The following BRSK2 variants were observed in gnomAD, a reference collection of about 807,000 sequenced individuals.
BRSK2 encodes the protein BR serine/threonine kinase 2, also known as serine/threonine-protein kinase BRSK2.
BRSK2 carries 19 observed loss-of-function variants against 83.3 expected under a neutral mutation model. That is an observed-to-expected ratio of 0.23 (90% CI 0.16 to 0.33). The LOEUF (loss-of-function observed/expected upper bound fraction) is 0.33, where lower values mean the gene tolerates loss of function less well. Ranked by LOEUF, BRSK2 falls within the 10% of genes least tolerant of loss-of-function variation. The probability of loss-of-function intolerance (pLI) is 1.00; values close to 1 mark genes in which losing one functional copy is unlikely to be tolerated. For synonymous variants in BRSK2, 519 were observed against 435.4 expected, an observed-to-expected ratio of 1.19 and a Z score of -2.39; for missense variants, 798 against 1,042.3, an observed-to-expected ratio of 0.77 and a Z score of 3.23.
At position 1,455,615 on chromosome 11, in the gene BRSK2, C is replaced by T. The variant is rs921922846; in HGVS notation, c.1669-733C>T. 2.0e-5 allele frequency among the ~76,000 whole-genome samples: 3 copies of T among 152,056 alleles called. No individual in the cohort carries two copies. In the South Asian group the frequency reaches 6.2e-4, roughly 32 times the overall value. On this transcript the variant is annotated intron_variant, in intron 16 of 19. Coordinates refer to ENST00000528841, the MANE Select transcript of BRSK2 (RefSeq NM_001256627.2). ...GCTGGGCAGGGCAGGCCTCAGACTG[C>T]ACTTGGACCCTGGCCTCAGGGGTCC... is the stretch of plus-strand genomic sequence containing the variant.
intron 13 of BRSK2, among the ~76,000 whole-genome samples, chr11:1,450,196 G>C (rs1487075663): frequency 6.9e-6 from 1 of 144,170 alleles, no homozygotes; most frequent in Admixed American, 6.9e-5. Flanking sequence ...CCCCCACCCC[G>C]CTCGCTCCCT....
chr11:1,442,641 G>T (rs1470791722), intron 5 of BRSK2, 35 bp downstream of exon 5: 2 of 1,539,462 alleles, frequency 1.3e-6, no homozygotes, highest in Admixed American at 1.7e-5. Flanking sequence ...GAGGCTGGGG[G>T]ACAGGCTGGG....
chr11:1,395,269 G>C (rs1845998215), intron 1 of BRSK2, among the ~76,000 whole-genome samples: 1 of 152,176 alleles, frequency 6.6e-6, no homozygotes. Flanking sequence ...TGTTCTCAGG[G>C]GCGCCGTGCA....
At chr11:1,428,809 ATG>A (rs780043211) in intron 1 of BRSK2, among the ~76,000 whole-genome samples, 10 of 149,474 alleles carry the variant, frequency 6.7e-5, no homozygotes, top group Admixed American at 6.6e-4. Flanking sequence ...ACTGGGGTGT[ATG>A]TATGCAGTCG....
chr11:1,437,424 G>C lies in BRSK2; in HGVS notation c.187-882G>C, dbSNP rs571008759. Among the ~76,000 whole-genome samples, 8 of 152,312 alleles carry C rather than the reference G, an allele frequency of 5.3e-5. No individual in the cohort carries two copies. The South Asian group carries it at 1.7e-3, about 32-fold the overall frequency. On this transcript the variant is annotated intron_variant, in intron 2 of 19. Transcript: ENST00000528841. ...ACCACTGACACGGCCACTTCTTTGT[G>C]CTGGGCGGAGCACCAGCTGCCCGTG...
Position 1,460,708 on chromosome 11 carries a change from C to A in BRSK2, c.2196C>A (p.Arg732=), listed in dbSNP as rs545362824. 1,002 of 1,461,106 alleles carry A rather than the reference C, an allele frequency of 6.9e-4. 8 individuals are homozygous for A. In the African/African-American group the frequency reaches 0.012, roughly 18 times the overall value. 90.5% of individuals were successfully genotyped at this position (1,461,106 alleles called of 1,614,324 possible). The change falls in exon 20 of 20, where the codon CGC becomes CGA. Residue 732 remains arginine, a synonymous_variant. Transcript: ENST00000528841. ...DTAKMGPPTA[R]REQP ...CCAAGATGGGCCCGCCCACCGCCCG[C>A]CGCGAGCAGCCTTAGACACACTAGC... is the stretch of plus-strand genomic sequence containing the variant.
At position 1,460,997 on chromosome 11, in the gene BRSK2, C is replaced by G. The variant is rs974863406; in HGVS notation, c.*274C>G. On this transcript the variant is annotated 3_prime_UTR_variant, in exon 20 of 20. Coordinates refer to ENST00000528841, the MANE Select transcript of BRSK2 (RefSeq NM_001256627.2). ...ATTATCCCGAAAAGTTAACATGTCACCTCCACGAGGCCATCCTCTGTGACC... is the reference window on the plus strand; with the variant it reads ...ATTATCCCGAAAAGTTAACATGTCAGCTCCACGAGGCCATCCTCTGTGACC... 1 of 1,612,196 alleles carries G rather than the reference C, an allele frequency of 6.2e-7. No individual in the cohort carries two copies. Among genetic ancestry groups the G allele is most frequent in the Non-Finnish European group, 8.5e-7 (1 of 1,179,416 alleles).
chr11:1,460,855 G>GA lies in BRSK2; in HGVS notation c.*135dup, dbSNP rs1021018577. The GA allele has an allele frequency of 6.4e-7, 1 of 1,558,260 alleles. No individual in the cohort carries two copies. The highest frequency in any genetic ancestry group is 1.4e-5 in the African/African-American group (1 of 73,392). On this transcript the variant is annotated 3_prime_UTR_variant, in exon 20 of 20. Coordinates refer to ENST00000528841, the MANE Select transcript of BRSK2 (RefSeq NM_001256627.2). ...CTGTTCTCAGAGCCTGGGAGGAAAG[G>GA]AAAGGGGCGTTGGGGCCGGCCTGTG...
chr11:1,424,251 C>T (rs946516037), intron 1 of BRSK2, among the ~76,000 whole-genome samples: 2 of 152,174 alleles, frequency 1.3e-5, no homozygotes, highest in African/African-American at 4.8e-5. Context: ...TGGGTCCTGC[C>T]GGCCAGGCGG....
chr11:1,460,824 T>C lies in BRSK2; in HGVS notation c.*101T>C. ...GACCCGCGGCCGCGCCGCCCGTCCGTCCAGACTGTTCTCAGAGCCTGGGAG... is the reference window on the plus strand; with the variant it reads ...GACCCGCGGCCGCGCCGCCCGTCCGCCCAGACTGTTCTCAGAGCCTGGGAG... On this transcript the variant is annotated 3_prime_UTR_variant, in exon 20 of 20. Transcript: ENST00000528841. The C allele has an allele frequency of 6.6e-7, 1 of 1,510,974 alleles. No individual in the cohort carries two copies. The highest frequency in any genetic ancestry group is 8.8e-7 in the Non-Finnish European group (1 of 1,132,386). 93.6% of individuals were successfully genotyped at this position (1,510,974 alleles called of 1,614,324 possible).
intron 1 of BRSK2, among the ~76,000 whole-genome samples, chr11:1,396,185 T>TCTCC (rs1846081322): frequency 1.3e-5 from 1 of 79,162 alleles, no homozygotes; most frequent in Non-Finnish European, 2.8e-5. Context: ...GCTCCTCGTC[T>TCTCC]CTCTTCCCTT....
chr11:1,396,219 TCC>T (rs1846088240), intron 1 of BRSK2, among the ~76,000 whole-genome samples: 4 of 112,932 alleles, frequency 3.5e-5, no homozygotes, highest in South Asian at 2.9e-4. Flanking sequence ...CCACTCCTGG[TCC>T]CTCTTCCCTT....
rs766181299 is a variant in BRSK2, at chr11:1,456,665, G to C, written c.1917G>C (p.Pro639=). 1 of 1,607,886 alleles carries C rather than the reference G, an allele frequency of 6.2e-7. No individual in the cohort carries two copies. The highest frequency in any genetic ancestry group is 1.1e-5 in the South Asian group (1 of 90,026). ...IQAQLLSTHD[P]PAAQHLSDTT... is the part of the protein sequence containing the mutation. ...CCCAGCTGCTGAGCACACACGACCCGCCTGCGGCCCAGCACTTGTCAGGTG... is the reference window on the plus strand; with the variant it reads ...CCCAGCTGCTGAGCACACACGACCCCCCTGCGGCCCAGCACTTGTCAGGTG... Residue 639 remains proline (P), a synonymous_variant, in exon 18 of 20, where the codon CCG becomes CCC. Coordinates refer to ENST00000528841, the MANE Select transcript of BRSK2 (RefSeq NM_001256627.2).
chr11:1,424,281 GTCCACCTGCGAGGCCC>G (rs909609769), intron 1 of BRSK2, among the ~76,000 whole-genome samples: 5 of 152,176 alleles, frequency 3.3e-5, no homozygotes, highest in African/African-American at 9.6e-5. Context: ...TCTGCTGGGT[GTCCACCTGCGAGGCCC>G]TCACCCCCTA....
chr11:1,413,906 C>G (rs1427993957), intron 1 of BRSK2, among the ~76,000 whole-genome samples: 2 of 152,118 alleles, frequency 1.3e-5, no homozygotes, highest in Non-Finnish European at 2.9e-5. Flanking sequence ...GCCACAGCGC[C>G]CAGCTCTGCC....
intron 18 of BRSK2, 53 bp downstream of exon 18, chr11:1,456,740 A>G (rs1279508183): frequency 6.5e-7 from 1 of 1,534,664 alleles, no homozygotes; most frequent in Non-Finnish European, 8.8e-7. Context: ...GGGCGTGGCC[A>G]GCTGGTGCTG....
chr11:1,427,733 C>A (rs1357334629), intron 1 of BRSK2, among the ~76,000 whole-genome samples: 1 of 152,214 alleles, frequency 6.6e-6, no homozygotes, highest in Non-Finnish European at 1.5e-5. Context: ...GATGGACTCT[C>A]AATTGGAAAA....
chr11:1,458,541 C>G (rs1227318952), intron 18 of BRSK2, among the ~76,000 whole-genome samples: 1 of 152,194 alleles, frequency 6.6e-6, no homozygotes, highest in Non-Finnish European at 1.5e-5. Flanking sequence ...CAGGGGGCCT[C>G]CTCAGACACT....
chr11:1,445,478 C>G lies in BRSK2; in HGVS notation c.977+20C>G. 1.2e-6 allele frequency: 2 copies of G among 1,610,916 alleles called. No homozygotes were observed. The highest frequency in any genetic ancestry group is 1.7e-4 in the Middle Eastern group (1 of 6,048). On this transcript the variant is annotated intron_variant, in intron 10 of 19. Coordinates refer to ENST00000528841, the MANE Select transcript of BRSK2 (RefSeq NM_001256627.2). ...CGAGGAGTGCGTCTGGGGCTGCTCC[C>G]GGGTGGGGCACGGGGCCTGAGGTGG... is the stretch of plus-strand genomic sequence containing the variant.
Sources: gnomAD v4.1 joint callset for allele counts (sites outside exome capture counted in the v4.1 genomes callset) on GRCh38, gnomAD v4.1.1 for gene constraint, MANE v1.5 for transcripts, NCBI Gene and HGNC (gene_info 2026-07-23, HGNC 2026-07-21) for gene names.